SLC44A1: variants seen among roughly 807,000 people sequenced by gnomAD.
SLC44A1 encodes the protein solute carrier family 44 member 1.
A neutral mutation model predicts 79.3 loss-of-function variants in SLC44A1; 26 were observed. The ratio of observed to expected loss-of-function variants is 0.33; its 90% CI spans 0.24 to 0.46. The LOEUF is 0.46. SLC44A1 is among the 20% of genes least tolerant of loss of function. The pLI is 1.00. For missense variants in SLC44A1, 688 were observed against 798.1 expected, an observed-to-expected ratio of 0.86 and a Z score of 1.66; for synonymous variants, 263 against 286.2, an observed-to-expected ratio of 0.92 and a Z score of 0.82.
At chr9:105,311,335 A>G (rs1404820013) in intron 3 of SLC44A1, among the ~76,000 whole-genome samples, 1 of 152,212 alleles carries the variant, frequency 6.6e-6, no homozygotes, top group Non-Finnish European at 1.5e-5. Flanking sequence ...CAAATATAAA[A>G]TATTACAATT....
chr9:105,415,977 C>G (rs1165377154), intron 15 of SLC44A1, among the ~76,000 whole-genome samples: 1 of 147,768 alleles, frequency 6.8e-6, no homozygotes, highest in Admixed American at 6.9e-5. Context: ...TGTCGGCTCG[C>G]TGCAACCTCC....
chr9:105,404,233 C>CAAAAAAAA (rs71489339), intron 15 of SLC44A1, among the ~76,000 whole-genome samples: 2 of 44,440 alleles, frequency 4.5e-5, no homozygotes, highest in African/African-American at 1.3e-4. Context: ...GGACTCATCT[C>CAAAAAAAA]AAAAAAAAAA....
intron 3 of SLC44A1, among the ~76,000 whole-genome samples, chr9:105,327,887 C>T (rs1446819967): frequency 6.6e-6 from 1 of 150,848 alleles, no homozygotes; most frequent in Non-Finnish European, 1.5e-5. Flanking sequence ...TCTTCTTACT[C>T]TCTGGATTGT....
At chr9:105,398,463 T>C (rs889922272), downstream of SLC44A1, among the ~76,000 whole-genome samples, 2 of 152,196 alleles carry the variant, frequency 1.3e-5, no homozygotes, top group Non-Finnish European at 2.9e-5. Flanking sequence ...TGAGTGGTTC[T>C]GATGCAGATT....
At chr9:105,349,022 C>T (rs1827324650) in intron 5 of SLC44A1, among the ~76,000 whole-genome samples, 1 of 151,982 alleles carries the variant, frequency 6.6e-6, no homozygotes, top group Non-Finnish European at 1.5e-5. Flanking sequence ...AAAGATGAAA[C>T]AAGAAATGTT....
intron 3 of SLC44A1, among the ~76,000 whole-genome samples, chr9:105,329,106 CTA>C (rs897106790): frequency 6.6e-6 from 1 of 152,100 alleles, no homozygotes; most frequent in African/African-American, 2.4e-5. Context: ...TCTCTGTAGC[CTA>C]TGTTTAGCAA....
intron 2 of SLC44A1, among the ~76,000 whole-genome samples, chr9:105,304,249 CAG>C (rs1830957985): frequency 6.6e-6 from 1 of 152,152 alleles, no homozygotes; most frequent in Admixed American, 6.5e-5. Context: ...GCGTGCAGAA[CAG>C]AGTGAGAGAT....
Position 105,389,012 on chromosome 9 carries a change from CTG to C in SLC44A1, c.1951-19_1951-18del. The C allele has an allele frequency of 6.3e-7, 1 of 1,595,672 alleles. No homozygotes were observed. On this transcript the variant is annotated intron_variant, in intron 15 of 15. Coordinates refer to ENST00000374720, the MANE Select transcript of SLC44A1 (RefSeq NM_080546.5). ...AATGGTAATTGTCTAAGATTATACT[CTG>C]TATGACTTTGTTTTCTAGGCTTCGG... is the stretch of plus-strand genomic sequence containing the variant.
intron 1 of SLC44A1, among the ~76,000 whole-genome samples, chr9:105,281,750 A>G (rs576560857): frequency 6.6e-6 from 1 of 152,312 alleles, no homozygotes; most frequent in African/African-American, 2.4e-5. Context: ...TTGTGATTGC[A>G]TCTGTAGTTC....
At chr9:105,364,038 C>T (rs1827864714) in intron 9 of SLC44A1, among the ~76,000 whole-genome samples, 2 of 152,116 alleles carry the variant, frequency 1.3e-5, no homozygotes, top group African/African-American at 2.4e-5. Context: ...TGATATAGTT[C>T]ATAGTTAGAC....
At chr9:105,290,950 A>G (rs760125088) in intron 1 of SLC44A1, among the ~76,000 whole-genome samples, 4 of 152,350 alleles carry the variant, frequency 2.6e-5, no homozygotes, top group East Asian at 3.9e-4. Flanking sequence ...ATGAATTGCC[A>G]TCACCAGGCT....
intron 15 of SLC44A1, among the ~76,000 whole-genome samples, chr9:105,410,994 A>G (rs1829087852): frequency 6.6e-6 from 1 of 152,244 alleles, no homozygotes; most frequent in Non-Finnish European, 1.5e-5. Flanking sequence ...CAAAATCCAT[A>G]GAAACAGAAA....
At chr9:105,244,930 C>CCCGCCCGGATG in intron 1 of SLC44A1, 26 bp downstream of exon 1, 4 of 1,171,638 alleles carry the variant, frequency 3.4e-6, no homozygotes, top group Non-Finnish European at 4.2e-6. Context: ...CTCCCGGCCG[C>CCCGCCCGGATG]CCGCCCGGAT....
intron 1 of SLC44A1, among the ~76,000 whole-genome samples, chr9:105,273,554 C>T (rs1320426878): frequency 6.6e-6 from 1 of 152,024 alleles, no homozygotes; most frequent in Non-Finnish European, 1.5e-5. Context: ...ATGCTGGGCT[C>T]TTATATCATT....
Position 105,394,236 on chromosome 9 carries a change from A to G in SLC44A1, c.*5180A>G, listed in dbSNP as rs1828826500. ...GGAAGTGATTAGGCCTCCACTAGAGATACTTTTGAGATGATGCTTACCACC... is the reference window on the plus strand; with the variant it reads ...GGAAGTGATTAGGCCTCCACTAGAGGTACTTTTGAGATGATGCTTACCACC... On this transcript the variant is annotated 3_prime_UTR_variant, in exon 16 of 16. Transcript: ENST00000374720. The G allele has an allele frequency of 2.0e-6, 2 of 985,254 alleles. No individual in the cohort carries two copies. The highest frequency in any genetic ancestry group is 3.5e-5 in the African/African-American group (2 of 57,226). The allele number at this position is 985,254 out of a possible 1,614,324, so 61.0% of individuals were successfully genotyped here. A position where few individuals can be genotyped will look rare whatever the true frequency, so the allele number is the denominator to read the frequency against.
At chr9:105,276,565 C>CATGTGTGTGTGT (rs1188770816) in intron 1 of SLC44A1, among the ~76,000 whole-genome samples, 16 of 118,894 alleles carry the variant, frequency 1.3e-4, no homozygotes, top group Non-Finnish European at 2.5e-4. Context: ...GATGGGGAGC[C>CATGTGTGTGTGT]GTGTGTGTGT....
intron 1 of SLC44A1, among the ~76,000 whole-genome samples, chr9:105,267,648 C>T (rs1402305810): frequency 6.6e-6 from 1 of 152,052 alleles, no homozygotes; most frequent in Non-Finnish European, 1.5e-5. Context: ...TCTGTTATCT[C>T]TCTGTGTGTG....
chr9:105,379,257 A>G (rs779880152), intron 13 of SLC44A1, among the ~76,000 whole-genome samples: 1 of 152,216 alleles, frequency 6.6e-6, no homozygotes, highest in Non-Finnish European at 1.5e-5. Context: ...TCTGGGTGAC[A>G]GAGCAAGACT....
At chr9:105,399,089 T>C (rs1828923162), downstream of SLC44A1, among the ~76,000 whole-genome samples, 1 of 152,196 alleles carries the variant, frequency 6.6e-6, no homozygotes, top group Admixed American at 6.5e-5. Flanking sequence ...TGGCAAGTAG[T>C]AGTGAAAATA....
Sources: gnomAD v4.1 joint callset for allele counts (sites outside exome capture counted in the v4.1 genomes callset) on GRCh38, gnomAD v4.1.1 for gene constraint, MANE v1.5 for transcripts, NCBI Gene and HGNC (gene_info 2026-07-23, HGNC 2026-07-21) for gene names.